The following NHSL1 variants were observed in gnomAD, a reference collection of about 807,000 sequenced individuals.
NHSL1 encodes NHS-like protein 1.
In NHSL1, 48 loss-of-function variants were observed where a neutral mutation model predicts 95.0. The ratio of observed to expected loss-of-function variants is 0.51; its 90% CI spans 0.40 to 0.64. The LOEUF is 0.64. Among genes scored for constraint, NHSL1 ranks in the 30% least tolerant of loss-of-function variants. The probability of loss-of-function intolerance (pLI) is 0.00; values close to 1 mark genes in which losing one functional copy is unlikely to be tolerated. For synonymous variants in NHSL1, 783 were observed against 833.9 expected, an observed-to-expected ratio of 0.94 and a Z score of 1.05; for missense variants, 1,971 against 2,077.7, an observed-to-expected ratio of 0.95 and a Z score of 1.00.
chr6:138,478,667 C>T (rs1326775962), intron 2 of NHSL1, among the ~76,000 whole-genome samples: 1 of 152,170 alleles, frequency 6.6e-6, no homozygotes, highest in South Asian at 2.1e-4. Context: ...GTTATGCCTG[C>T]GACCACAGGC....
intron 1 of NHSL1, among the ~76,000 whole-genome samples, chr6:138,659,962 T>C (rs1785206100): frequency 6.6e-6 from 1 of 152,182 alleles, no homozygotes; most frequent in South Asian, 2.1e-4. Context: ...ATAATCCACC[T>C]GCCTTGGCCT....
intron 1 of NHSL1, among the ~76,000 whole-genome samples, chr6:138,510,806 A>G (rs2128299981): frequency 6.6e-6 from 1 of 152,346 alleles, no homozygotes; most frequent in East Asian, 1.9e-4. Flanking sequence ...AAGGCAAGGG[A>G]CAAGAACAAA....
intron 1 of NHSL1, among the ~76,000 whole-genome samples, chr6:138,679,177 CAT>C (rs1458244127): frequency 3.3e-5 from 5 of 152,164 alleles, no homozygotes; most frequent in African/African-American, 1.2e-4. Flanking sequence ...AAACAGACCC[CAT>C]ATGTTGCCAA....
upstream of NHSL1, chr6:138,545,917 T>A: frequency 1.3e-6 from 1 of 794,780 alleles, no homozygotes; most frequent in Non-Finnish European, 1.5e-6. Flanking sequence ...ACCGTTCATA[T>A]AGTCCAGTGC....
chr6:138,432,253 CGTT>C lies in NHSL1; in HGVS notation c.2089_2091del (p.Asn697del). 6.5e-7 allele frequency: 1 copy of C among 1,550,138 alleles called. No homozygotes were observed. The highest frequency in any genetic ancestry group is 8.7e-7 in the Non-Finnish European group (1 of 1,146,250). The stretch of plus-strand genomic sequence containing the variant: ...TGCTGGAGTGTGGCGATCAGGCTCT[CGTT>C]GAGCACCTGCCCGTTGCACTGGCTG... On this transcript the variant is annotated inframe_deletion, in exon 6 of 8. Coordinates refer to ENST00000343505, the MANE Select transcript of NHSL1 (RefSeq NM_001144060.2). The surrounding 1 kb of genome is among the most constrained non-coding windows in gnomAD (Gnocchi z 4.4).
intron 1 of NHSL1, among the ~76,000 whole-genome samples, chr6:138,521,208 G>T (rs1408325695): frequency 6.6e-6 from 1 of 152,112 alleles, no homozygotes; most frequent in African/African-American, 2.4e-5. Flanking sequence ...GTCTTTAAAA[G>T]CCTCCCCCAG....
At chr6:138,579,834 T>C (rs1784026053) in intron 1 of NHSL1, among the ~76,000 whole-genome samples, 1 of 152,236 alleles carries the variant, frequency 6.6e-6, no homozygotes, top group African/African-American at 2.4e-5. Flanking sequence ...TATTTAACTC[T>C]ATCTTTAAAA....
chr6:138,692,326 C>G lies in NHSL1; in HGVS notation c.96+150G>C. The stretch of plus-strand genomic sequence containing the variant: ...CGCCCCTGCCACCTGCCCAGCCTCC[C>G]GCTGGGGTCCGGCAGTCCCCACTGG... On this transcript the variant is annotated intron_variant, in intron 1 of 3. Coordinates refer to the NHSL1 transcript ENST00000491526. This position sits in a 1 kb window ranked among gnomAD's most constrained non-coding sequence, Gnocchi z 4.0. 2.7e-6 allele frequency: 1 copy of G among 371,082 alleles called. No individual in the cohort carries two copies. The highest frequency in any genetic ancestry group is 3.4e-5 in the Admixed American group (1 of 29,572). 23.0% of individuals were successfully genotyped at this position (371,082 alleles called of 1,614,324 possible). A position where few individuals can be genotyped will look rare whatever the true frequency, so the allele number is the denominator to read the frequency against.
chr6:138,502,060 C>T (rs573687310), upstream of NHSL1, among the ~76,000 whole-genome samples: 3 of 152,190 alleles, frequency 2.0e-5, no homozygotes, highest in South Asian at 4.1e-4. Context: ...TGGTTACACA[C>T]GAGTAAGTGG....
intron 1 of NHSL1, among the ~76,000 whole-genome samples, chr6:138,570,683 C>CATA (rs1201267392): frequency 7.2e-5 from 11 of 152,258 alleles, no homozygotes; most frequent in South Asian, 4.1e-4. Context: ...TTACTATACT[C>CATA]ATAAGCACAT....
At chr6:138,481,270 C>T (rs1385970500) in intron 2 of NHSL1, among the ~76,000 whole-genome samples, 7 of 151,960 alleles carry the variant, frequency 4.6e-5, no homozygotes, top group Non-Finnish European at 8.8e-5. Context: ...AAAACCAAAC[C>T]AAAGTGCATT....
At position 138,659,709 on chromosome 6, in the gene NHSL1, CG is replaced by C. The variant is rs564843335; in HGVS notation, c.96+32766del. Among the ~76,000 whole-genome samples, 185 of 142,234 alleles carry C rather than the reference CG, an allele frequency of 1.3e-3. 1 individual carries two copies. The highest frequency in any genetic ancestry group is 4.8e-3 in the African/African-American group (175 of 36,782). The allele number at this position is 142,234 out of a possible 152,430, so 93.3% of individuals were successfully genotyped here. A position where few individuals can be genotyped will look rare whatever the true frequency, so the allele number is the denominator to read the frequency against. On this transcript the variant is annotated intron_variant, in intron 1 of 3. Coordinates refer to the NHSL1 transcript ENST00000491526. ...TAATTAAGAGTTATTTTTCCTACCA[CG>C]TTTTTTTTTTGTTTTTTTTTTTTTG... is the stretch of plus-strand genomic sequence containing the variant.
chr6:138,445,575 C>T (rs999897906), intron 4 of NHSL1, among the ~76,000 whole-genome samples: 8 of 152,018 alleles, frequency 5.3e-5, no homozygotes, highest in Admixed American at 4.6e-4. Context: ...AATTCATGCA[C>T]TTATTTATTA....
At chr6:138,564,438 G>A (rs1390712898) in intron 1 of NHSL1, among the ~76,000 whole-genome samples, 1 of 152,166 alleles carries the variant, frequency 6.6e-6, no homozygotes, top group Non-Finnish European at 1.5e-5. Context: ...AGCCGAGGCA[G>A]GTGGATCACT....
chr6:138,692,196 A>C lies in NHSL1; in HGVS notation c.96+280T>G, dbSNP rs761284594. The C allele has an allele frequency of 2.2e-6, 1 of 456,728 alleles. No individual in the cohort carries two copies. The highest frequency in any genetic ancestry group is 1.5e-5 in the South Asian group (1 of 64,578). 28.3% of individuals were successfully genotyped at this position (456,728 alleles called of 1,614,324 possible). ...GTCTCCCAAACAGACAGACACAGAC[A>C]GACAGAAGGAGCAGACAAGGGGACT... On this transcript the variant is annotated intron_variant, in intron 1 of 3. Transcript: ENST00000491526. This position sits in a 1 kb window ranked among gnomAD's most constrained non-coding sequence, Gnocchi z 4.0.
At chr6:138,456,802 T>C (rs1250898385) in intron 3 of NHSL1, among the ~76,000 whole-genome samples, 1 of 151,298 alleles carries the variant, frequency 6.6e-6, no homozygotes, top group Non-Finnish European at 1.5e-5. Flanking sequence ...GAGAAAAAAG[T>C]CAAAAACAGT....
intron 3 of NHSL1, among the ~76,000 whole-genome samples, chr6:138,463,527 TTTTA>T (rs1457027243): frequency 6.6e-6 from 1 of 150,852 alleles, no homozygotes; most frequent in Admixed American, 6.6e-5. Flanking sequence ...TTTTTTAAAG[TTTTA>T]TTTTTTATTT....
chr6:138,663,508 C>A (rs1018175844), intron 1 of NHSL1, among the ~76,000 whole-genome samples: 1 of 149,890 alleles, frequency 6.7e-6, no homozygotes, highest in African/African-American at 2.5e-5. Flanking sequence ...TGTGTTGAAC[C>A]GCAATCACGC....
chr6:138,530,604 T>G (rs1782093555), intron 1 of NHSL1, among the ~76,000 whole-genome samples: 1 of 151,938 alleles, frequency 6.6e-6, no homozygotes, highest in African/African-American at 2.4e-5. Flanking sequence ...AGCCATAAAG[T>G]GGAATGAAAT....
Sources: allele counts gnomAD v4.1 joint callset (sites outside exome capture counted in the v4.1 genomes callset), GRCh38; gene constraint gnomAD v4.1.1; non-coding constraint Gnocchi (gnomAD v3.1); transcripts MANE v1.5; gene names NCBI Gene and HGNC (gene_info 2026-07-23, HGNC 2026-07-21).